The following ARFGAP3 variants were observed in gnomAD, a reference collection of about 807,000 sequenced individuals.
The protein encoded by ARFGAP3 is ARF GTPase activating protein 3.
ARFGAP3 carries 72 observed loss-of-function variants against 75.0 expected under a neutral mutation model. The ratio of observed to expected loss-of-function variants is 0.96; its 90% CI spans 0.79 to 1.17. The LOEUF (loss-of-function observed/expected upper bound fraction) is 1.17. Among genes scored for constraint, ARFGAP3 ranks in the 50% most tolerant of loss-of-function variants. The probability of loss-of-function intolerance (pLI) is 0.00; values close to 1 mark genes in which losing one functional copy is unlikely to be tolerated. For missense variants in ARFGAP3, 620 were observed against 626.6 expected, an observed-to-expected ratio of 0.99 and a Z score of 0.11; for synonymous variants, 221 against 217.9, an observed-to-expected ratio of 1.01 and a Z score of -0.13.
chr22:42,833,830 C>G (rs1926401555), intron 5 of ARFGAP3, among the ~76,000 whole-genome samples: 2 of 152,202 alleles, frequency 1.3e-5, no homozygotes, highest in Admixed American at 1.3e-4. Context: ...GCTGGAGAAT[C>G]ACTTGAACCC....
chr22:42,851,579 G>C (rs1449969882), intron 1 of ARFGAP3, among the ~76,000 whole-genome samples: 2 of 152,232 alleles, frequency 1.3e-5, no homozygotes, highest in Admixed American at 1.3e-4. Context: ...CTAACAAGTG[G>C]AGACTGGGAC....
At chr22:42,850,047 C>T (rs1323190433) in intron 1 of ARFGAP3, among the ~76,000 whole-genome samples, 1 of 152,114 alleles carries the variant, frequency 6.6e-6, no homozygotes, top group Non-Finnish European at 1.5e-5. Flanking sequence ...ATTGCCAGCT[C>T]AAAAATTACT....
intron 10 of ARFGAP3, 48 bp from the exon 11 acceptor site, chr22:42,817,312 G>A: frequency 6.5e-7 from 1 of 1,544,732 alleles, no homozygotes; most frequent in Non-Finnish European, 8.7e-7. Flanking sequence ...ACAAACTTTT[G>A]TTTCACCAAA....
At chr22:42,849,141 C>G (rs1158057519) in intron 1 of ARFGAP3, among the ~76,000 whole-genome samples, 1 of 152,204 alleles carries the variant, frequency 6.6e-6, no homozygotes, top group Admixed American at 6.5e-5. Context: ...GACCTCAGCC[C>G]TGGGCCAACA....
At chr22:42,842,807 G>C (rs1926842811) in intron 2 of ARFGAP3, among the ~76,000 whole-genome samples, 1 of 151,916 alleles carries the variant, frequency 6.6e-6, no homozygotes, top group Non-Finnish European at 1.5e-5. Flanking sequence ...ACCTCTATAA[G>C]GTCATAAAAA....
intron 14 of ARFGAP3, 120 bp downstream of exon 14, chr22:42,806,953 A>T (rs1925150021): frequency 1.1e-5 from 11 of 1,001,932 alleles, no homozygotes; most frequent in African/African-American, 3.3e-5. Flanking sequence ...CTTATAGCAG[A>T]GATCAGAGCA....
At chr22:42,843,124 C>T (rs989482839) in intron 2 of ARFGAP3, among the ~76,000 whole-genome samples, 2 of 151,902 alleles carry the variant, frequency 1.3e-5, no homozygotes, top group African/African-American at 2.4e-5. Context: ...TCCTCAGCCT[C>T]GGTCCTCACC....
chr22:42,836,388 C>T (rs868693282), intron 3 of ARFGAP3, among the ~76,000 whole-genome samples: 2 of 152,146 alleles, frequency 1.3e-5, no homozygotes, highest in Non-Finnish European at 2.9e-5. Context: ...ATCCTCTCAC[C>T]GTGGCTTCCC....
intron 14 of ARFGAP3, among the ~76,000 whole-genome samples, chr22:42,806,331 A>AT (rs5845562): frequency 0.43 from 65,186 of 151,674 alleles, 14,469 homozygotes; most frequent in Non-Finnish European, 0.48. Flanking sequence ...AGTCAGGGGG[A>AT]GGGGAAGTCG....
At chr22:42,840,837 C>A in intron 3 of ARFGAP3, 107 bp downstream of exon 3, 1 of 1,187,738 alleles carries the variant, frequency 8.4e-7, no homozygotes, top group Non-Finnish European at 1.2e-6. Context: ...TCCCAAATGG[C>A]TGAGATTACA....
rs557646618 is a variant in ARFGAP3, at chr22:42,835,592, C to A, written c.262-99G>T. ...ATCCCAGCACTCTGGGAGGCCGAGG[C>A]AGGCAGATCACGAGGTCGGGAGATC... On this transcript the variant is annotated intron_variant, in intron 3 of 15. Coordinates refer to ENST00000263245, the MANE Select transcript of ARFGAP3 (RefSeq NM_014570.5). 4.3e-6 allele frequency: 6 copies of A among 1,381,724 alleles called. No homozygotes were observed. The Admixed American group carries it at 9.5e-5, about 22-fold the overall frequency. 85.6% of individuals were successfully genotyped at this position (1,381,724 alleles called of 1,614,324 possible).
chr22:42,839,517 G>C (rs926286987), intron 3 of ARFGAP3, among the ~76,000 whole-genome samples: 2 of 149,466 alleles, frequency 1.3e-5, no homozygotes, highest in African/African-American at 2.5e-5. Context: ...AGAATCTCTT[G>C]AACCCGGGAG....
intron 5 of ARFGAP3, 86 bp downstream of exon 5, chr22:42,834,156 G>A: frequency 8.0e-7 from 1 of 1,244,108 alleles, no homozygotes; most frequent in South Asian, 1.4e-5. Flanking sequence ...CAAGAGCTTA[G>A]CCTACATCCT....
At chr22:42,802,387 G>A (rs551264381) in intron 14 of ARFGAP3, among the ~76,000 whole-genome samples, 3 of 151,434 alleles carry the variant, frequency 2.0e-5, no homozygotes, top group Admixed American at 6.6e-5. Context: ...CCAGGTTCAC[G>A]CCATTCTCCT....
intron 5 of ARFGAP3, among the ~76,000 whole-genome samples, chr22:42,831,896 C>T (rs2146561204): frequency 6.6e-6 from 1 of 152,244 alleles, no homozygotes; most frequent in East Asian, 1.9e-4. Context: ...AGTGCTTCCA[C>T]CTCAGCCTCC....
chr22:42,835,610 G>C, intron 3 of ARFGAP3, 117 bp from the exon 4 acceptor site: 1 of 1,148,162 alleles, frequency 8.7e-7, no homozygotes, highest in African/African-American at 1.5e-5. Flanking sequence ...TCACGAGGTC[G>C]GGAGATCAGT....
rs1309336742 is a variant in ARFGAP3 at position 42,807,161 on chromosome 22, A to G, written c.1323T>C (p.Tyr441=). 1.2e-6 allele frequency: 2 copies of G among 1,608,916 alleles called. No homozygotes were observed. Among genetic ancestry groups the G allele is most frequent in the East Asian group, 2.2e-5 (1 of 44,846 alleles). ...MYFGRQSQAD[Y]ETRARLERLS... is the part of the protein sequence containing the mutation. ...GCCTCTCTAGGCGGGCCCTGGTCTC[A>G]TACTAGAGAAGACAAGGAAAAGGAA... Residue 441 remains tyrosine, a splice_region_variant and synonymous_variant, in exon 14 of 16, where the codon TAT becomes TAC. Coordinates refer to ENST00000263245, the MANE Select transcript of ARFGAP3 (RefSeq NM_014570.5).
In ARFGAP3 at chr22:42,838,438, T is replaced by C. The variant is rs151263243; in HGVS notation, c.261+2506A>G. ...TCAGCCTCCTGAGTAGCTGAGGCTATAGGCAGGTTCCACTATGCCTTGCTA... is the reference window on the plus strand; with the variant it reads ...TCAGCCTCCTGAGTAGCTGAGGCTACAGGCAGGTTCCACTATGCCTTGCTA... On this transcript the variant is annotated intron_variant, in intron 3 of 15. Transcript: ENST00000263245. 1.6e-3 allele frequency among the ~76,000 whole-genome samples: 246 copies of C among 151,832 alleles called. 2 individuals carry two copies. The highest frequency in any genetic ancestry group is 5.7e-3 in the African/African-American group (237 of 41,446).
At chr22:42,809,230 C>A (rs929535984) in intron 12 of ARFGAP3, among the ~76,000 whole-genome samples, 5 of 152,128 alleles carry the variant, frequency 3.3e-5, no homozygotes, top group African/African-American at 9.7e-5. Context: ...TAAAATGTCC[C>A]AGTTACCTGG....
Sources: gnomAD v4.1 joint callset for allele counts (sites outside exome capture counted in the v4.1 genomes callset) on GRCh38, gnomAD v4.1.1 for gene constraint, MANE v1.5 for transcripts, NCBI Gene and HGNC (gene_info 2026-07-23, HGNC 2026-07-21) for gene names.